TTC27: variants seen among roughly 807,000 people sequenced by gnomAD.
The protein encoded by TTC27 is tetratricopeptide repeat domain 27, also known as tetratricopeptide repeat protein 27.
TTC27 carries 79 observed loss-of-function variants against 115.9 expected under a neutral mutation model. The ratio of observed to expected loss-of-function variants is 0.68; its 90% CI spans 0.57 to 0.82. The LOEUF (loss-of-function observed/expected upper bound fraction) is 0.82. Among genes scored for constraint, TTC27 ranks in the 40% least tolerant of loss-of-function variants. TTC27 has a pLI of 0.00. For missense variants in TTC27, 1,054 were observed against 993.1 expected, an observed-to-expected ratio of 1.06 and a Z score of -0.82; for synonymous variants, 401 against 356.0, an observed-to-expected ratio of 1.13 and a Z score of -1.42.
intron 16 of TTC27, among the ~76,000 whole-genome samples, chr2:32,799,559 A>C (rs1457976033): frequency 1.3e-5 from 2 of 152,238 alleles, no homozygotes; most frequent in Non-Finnish European, 2.9e-5. Flanking sequence ...TAGGGAATGG[A>C]AGTAGATACT....
Position 32,748,420 on chromosome 2 carries a change from G to A in TTC27, c.1453-9872G>A, listed in dbSNP as rs1169267685. Among the ~76,000 whole-genome samples, 4 of 152,202 alleles carry A rather than the reference G, an allele frequency of 2.6e-5. No individual in the cohort carries two copies. In the East Asian group the frequency reaches 7.7e-4, roughly 29 times the overall value. On this transcript the variant is annotated intron_variant, in intron 12 of 19. Coordinates refer to ENST00000317907, the MANE Select transcript of TTC27 (RefSeq NM_017735.5). ...TGTGTATTCTGCTGTTGGCTGGAGT[G>A]TTCTTTAAATGTCTGTTAGGTCTAG...
chr2:32,632,338 A>C (rs1329493215), intron 2 of TTC27, among the ~76,000 whole-genome samples: 1 of 151,484 alleles, frequency 6.6e-6, no homozygotes, highest in Admixed American at 6.6e-5. Context: ...ATATGTGTGC[A>C]CTCTCATAGC....
chr2:32,733,739 T>C, intron 10 of TTC27, 89 bp from the exon 11 acceptor site: 1 of 703,220 alleles, frequency 1.4e-6, no homozygotes. Flanking sequence ...TTGTTGTTTA[T>C]ATGTGCATTT....
intron 10 of TTC27, among the ~76,000 whole-genome samples, chr2:32,724,868 C>T (rs1366602703): frequency 2.6e-5 from 4 of 152,102 alleles, no homozygotes; most frequent in African/African-American, 9.7e-5. Context: ...GTAATTTATA[C>T]AGGAAAAAGG....
intron 19 of TTC27, among the ~76,000 whole-genome samples, chr2:32,817,969 A>G (rs2148053787): frequency 6.6e-6 from 1 of 152,180 alleles, no homozygotes; most frequent in Admixed American, 6.5e-5. Flanking sequence ...AGGCAGGAGA[A>G]TCTCTTGAAC....
chr2:32,800,729 A>T (rs920800724), intron 16 of TTC27, among the ~76,000 whole-genome samples: 10 of 150,658 alleles, frequency 6.6e-5, no homozygotes, highest in Non-Finnish European at 1.5e-4. Flanking sequence ...CAAACTCCTG[A>T]CCTCAAGTGA....
In TTC27 at chr2:32,817,405, AATT is replaced by A. The variant is rs1259007565; in HGVS notation, c.2309-44_2309-42del. On this transcript the variant is annotated intron_variant, in intron 18 of 19. Transcript: ENST00000317907. ...TAAATAATTGGCTTTTGTACCTGTG[AATT>A]ATTATTAACACTTTTTAATGGATGT... 2.0e-6 allele frequency: 3 copies of A among 1,473,694 alleles called. No homozygotes were observed. In the East Asian group the frequency reaches 6.8e-5, roughly 34 times the overall value. 91.3% of individuals were successfully genotyped at this position (1,473,694 alleles called of 1,614,324 possible).
At chr2:32,817,798 G>A (rs1173293857) in intron 19 of TTC27, among the ~76,000 whole-genome samples, 2 of 152,206 alleles carry the variant, frequency 1.3e-5, no homozygotes, top group Non-Finnish European at 2.9e-5. Context: ...GCTCATGCCT[G>A]TAATCCCAGC....
At chr2:32,687,317 A>G (rs1290768388) in intron 9 of TTC27, among the ~76,000 whole-genome samples, 1 of 152,234 alleles carries the variant, frequency 6.6e-6, no homozygotes, top group Non-Finnish European at 1.5e-5. Context: ...TAAAAATGCA[A>G]AGGCATCTGG....
At chr2:32,746,647 G>A (rs1212288034) in intron 12 of TTC27, among the ~76,000 whole-genome samples, 1 of 149,514 alleles carries the variant, frequency 6.7e-6, no homozygotes, top group African/African-American at 2.5e-5. Context: ...TAAAGCTTTT[G>A]CATTCTGTGA....
intron 12 of TTC27, among the ~76,000 whole-genome samples, chr2:32,755,651 G>GAGGGAGA (rs60327971): frequency 6.6e-6 from 1 of 151,576 alleles, no homozygotes. Flanking sequence ...GGGAGAGGGA[G>GAGGGAGA]CCGGAGCCAT....
chr2:32,683,562 G>C (rs1277940480), intron 9 of TTC27, among the ~76,000 whole-genome samples: 1 of 152,156 alleles, frequency 6.6e-6, no homozygotes, highest in Non-Finnish European at 1.5e-5. Context: ...AGCAAAGTCA[G>C]AAACTTGTCC....
intron 3 of TTC27, among the ~76,000 whole-genome samples, chr2:32,639,999 C>CAAAACA (rs143705357): frequency 0.063 from 9,604 of 151,724 alleles, 433 homozygotes; most frequent in East Asian, 0.22. Flanking sequence ...ACTCCCATCT[C>CAAAACA]AAAACAAAAA....
At chr2:32,746,065 C>G (rs550651347) in intron 12 of TTC27, among the ~76,000 whole-genome samples, 1 of 152,112 alleles carries the variant, frequency 6.6e-6, no homozygotes, top group Non-Finnish European at 1.5e-5. Flanking sequence ...TGTGGAATTA[C>G]TATAGATTGT....
chr2:32,666,860 G>C (rs568488715), intron 7 of TTC27, 92 bp downstream of exon 7: 1 of 1,392,356 alleles, frequency 7.2e-7, no homozygotes, highest in African/African-American at 1.5e-5. Context: ...ATGGGTTGGG[G>C]ACAGACTTCA....
At chr2:32,730,700 CAACCTCCGCCTCCTGGGTTCA>C (rs1382478200) in intron 10 of TTC27, among the ~76,000 whole-genome samples, 2 of 151,212 alleles carry the variant, frequency 1.3e-5, no homozygotes, top group South Asian at 2.1e-4. Context: ...TGACTCACTG[CAACCTCCGCCTCCTGGGTTCA>C]AGAAATTCTC....
chr2:32,637,610 T>C (rs1250051047), intron 3 of TTC27, among the ~76,000 whole-genome samples: 1 of 152,156 alleles, frequency 6.6e-6, no homozygotes, highest in African/African-American at 2.4e-5. Context: ...AGATTCCAGG[T>C]GTGAGCCACC....
chr2:32,697,595 A>G (rs566765785), intron 9 of TTC27, among the ~76,000 whole-genome samples: 1 of 152,332 alleles, frequency 6.6e-6, no homozygotes, highest in Admixed American at 6.5e-5. Context: ...TTTTCCCTTC[A>G]TTACTGCAGA....
intron 4 of TTC27, among the ~76,000 whole-genome samples, chr2:32,647,263 A>T (rs1664900625): frequency 6.6e-6 from 1 of 152,184 alleles, no homozygotes; most frequent in Non-Finnish European, 1.5e-5. Context: ...TTTTCTTAAA[A>T]GTGAAATCTT....
Sources: gnomAD v4.1 joint callset for allele counts (sites outside exome capture counted in the v4.1 genomes callset) on GRCh38, gnomAD v4.1.1 for gene constraint, MANE v1.5 for transcripts, NCBI Gene and HGNC (gene_info 2026-07-23, HGNC 2026-07-21) for gene names.